The following BOP1 variants were observed in gnomAD, a reference collection of about 807,000 sequenced individuals.
BOP1 encodes the protein BOP1 ribosomal biogenesis factor.
A neutral mutation model predicts 82.9 loss-of-function variants in BOP1; 54 were observed. The ratio of observed to expected loss-of-function variants is 0.65; its 90% CI spans 0.52 to 0.82. The LOEUF (loss-of-function observed/expected upper bound fraction) is 0.82, where lower values mean the gene tolerates loss of function less well. BOP1 is among the 40% of genes least tolerant of loss of function. The pLI, the probability that BOP1 is intolerant of heterozygous loss-of-function variation, is 0.00. For missense variants in BOP1, 1,170 were observed against 1,072.0 expected (o/e 1.09, Z -1.28); for synonymous variants, 566 against 451.1 (o/e 1.25, Z -3.23).
In BOP1 at chr8:144,266,447, C is replaced by A. The variant is rs1364355660; in HGVS notation, c.391-1376G>T. ...GCTATAAAGGCGCAGCTCGGGGCCC[C>A]GCTCCGGCCCGGGACGCACATGTGC... On this transcript the variant is annotated intron_variant, in intron 3 of 15. Transcript: ENST00000569669. 1,944 of 954,526 alleles carry A rather than the reference C, an allele frequency of 2.0e-3. 28 individuals are homozygous for A. In the African/African-American group the frequency reaches 0.032, roughly 16 times the overall value. The allele number at this position is 954,526 out of a possible 1,614,324, so 59.1% of individuals were successfully genotyped here.
chr8:144,271,514 C>T (rs935577740), intron 3 of BOP1, among the ~76,000 whole-genome samples: 1 of 152,124 alleles, frequency 6.6e-6, no homozygotes, highest in African/African-American at 2.4e-5. Flanking sequence ...GCACAAAACG[C>T]CCGCCTGTCT....
chr8:144,282,237 T>A (rs1845697133), intron 2 of BOP1, among the ~76,000 whole-genome samples: 1 of 151,988 alleles, frequency 6.6e-6, no homozygotes, highest in Non-Finnish European at 1.5e-5. Context: ...GTGTCAGGGG[T>A]GCTGCAGGGC....
intron 3 of BOP1, among the ~76,000 whole-genome samples, chr8:144,275,663 CCCAG>C (rs1185231747): frequency 1.2e-4 from 19 of 152,166 alleles, no homozygotes; most frequent in Non-Finnish European, 2.2e-4. Flanking sequence ...AGGCAACGGC[CCCAG>C]CCCACATCAG....
At chr8:144,281,788 T>C (rs1046043093) in intron 2 of BOP1, 1 of 152,172 alleles carries the variant, frequency 6.6e-6, no homozygotes, top group Non-Finnish European at 1.5e-5. Context: ...TTTCACCATG[T>C]TGGCCGGGCT....
At chr8:144,262,803 G>GCCCC in intron 13 of BOP1, 50 bp downstream of exon 13, 2 of 424,970 alleles carry the variant, frequency 4.7e-6, no homozygotes, top group African/African-American at 6.6e-5. Flanking sequence ...AGGGTACACC[G>GCCCC]CCCCCCCCCC....
intron 2 of BOP1, among the ~76,000 whole-genome samples, chr8:144,284,973 C>A (rs1475927266): frequency 6.6e-6 from 1 of 152,212 alleles, no homozygotes; most frequent in African/African-American, 2.4e-5. Context: ...AGTCACCGGG[C>A]TCCCCGCTAC....
chr8:144,262,940 G>C lies in BOP1; in HGVS notation c.1807C>G (p.Arg603Gly). 1 of 1,547,274 alleles carries C rather than the reference G, an allele frequency of 6.5e-7. No individual in the cohort carries two copies. The highest frequency in any genetic ancestry group is 8.7e-7 in the Non-Finnish European group (1 of 1,152,926). ...TCCTGGCGCAGCAGGTGGTAGAGGC[G>C]GACGCTGCGCTGGGACGCCACCAAC... Reference protein sequence around the residue: ...FLLVASQRSVRLYHLLRQELT... With the variant: ...FLLVASQRSVGLYHLLRQELT... The change falls in exon 13 of 16, where the codon CGC becomes GGC. Residue 603 changes from arginine to glycine, a missense_variant. Transcript: ENST00000569669.
At chr8:144,277,160 C>G (rs1845580046) in intron 2 of BOP1, among the ~76,000 whole-genome samples, 1 of 152,156 alleles carries the variant, frequency 6.6e-6, no homozygotes, top group Non-Finnish European at 1.5e-5. Flanking sequence ...CGGGCACGCC[C>G]CCGCCCCCAC....
chr8:144,278,199 C>T (rs968796512), intron 2 of BOP1, among the ~76,000 whole-genome samples: 1 of 152,166 alleles, frequency 6.6e-6, no homozygotes, highest in Non-Finnish European at 1.5e-5. Flanking sequence ...GTCTGAAGGA[C>T]CGACGGGTGG....
chr8:144,267,049 G>T, intron 3 of BOP1: 1 of 1,495,518 alleles, frequency 6.7e-7, no homozygotes. Flanking sequence ...CTGCCACTCC[G>T]GGCCCGCCTT....
chr8:144,262,839 C>A lies in BOP1; in HGVS notation c.1894+14G>T. ...CACCCCTCACCTGCAGGGTGCACCGCCCCCACCCCTCACCTGCAGGGTGCA... is the reference window on the plus strand; with the variant it reads ...CACCCCTCACCTGCAGGGTGCACCGACCCCACCCCTCACCTGCAGGGTGCA... On this transcript the variant is annotated intron_variant, in intron 13 of 15. Coordinates refer to ENST00000569669, the MANE Select transcript of BOP1 (RefSeq NM_015201.5). 7 of 978,170 alleles carry A rather than the reference C, an allele frequency of 7.2e-6. No homozygotes were observed. The highest frequency in any genetic ancestry group is 9.6e-6 in the Non-Finnish European group (7 of 728,702). The allele number at this position is 978,170 out of a possible 1,614,324, so 60.6% of individuals were successfully genotyped here.
At chr8:144,278,739 C>A (rs1214488036) in intron 2 of BOP1, among the ~76,000 whole-genome samples, 1 of 152,178 alleles carries the variant, frequency 6.6e-6, no homozygotes, top group African/African-American at 2.4e-5. Flanking sequence ...CTCAGCACGG[C>A]CAAGGCTCCC....
chr8:144,265,420 AGG>A, intron 3 of BOP1: 1 of 418,300 alleles, frequency 2.4e-6, no homozygotes, highest in Non-Finnish European at 4.4e-6. Context: ...CTCCCCTGGC[AGG>A]GGCCTTAGGC....
rs1225332636 is a variant in BOP1 at position 144,267,084 on chromosome 8, CCCCCCGCCGCCG to C, written c.391-2025_391-2014del. 2.1e-4 allele frequency: 284 copies of C among 1,370,722 alleles called. 8 individuals are homozygous for C. Among genetic ancestry groups the C allele is most frequent in the African/African-American group, 1.9e-3 (125 of 65,396 alleles). The allele number at this position is 1,370,722 out of a possible 1,614,324, so 84.9% of individuals were successfully genotyped here. A position where few individuals can be genotyped will look rare whatever the true frequency, so the allele number is the denominator to read the frequency against. On this transcript the variant is annotated intron_variant, in intron 3 of 15. Transcript: ENST00000569669. ...TCTTCCACGCGGCGCGCGCCGGCAG[CCCCCCGCCGCCG>C]CCCCCGCCGCCTCCCGCCCGCGACG...
At chr8:144,272,967 G>A (rs1476027333) in intron 3 of BOP1, among the ~76,000 whole-genome samples, 1 of 152,216 alleles carries the variant, frequency 6.6e-6, no homozygotes, top group Non-Finnish European at 1.5e-5. Context: ...GCCAGCCCCA[G>A]CCCAGTCAGC....
intron 3 of BOP1, among the ~76,000 whole-genome samples, chr8:144,271,516 C>T (rs1211585118): frequency 6.6e-6 from 1 of 152,142 alleles, no homozygotes; most frequent in African/African-American, 2.4e-5. Context: ...ACAAAACGCC[C>T]GCCTGTCTCG....
At chr8:144,284,711 A>C (rs992119157) in intron 2 of BOP1, among the ~76,000 whole-genome samples, 2 of 152,230 alleles carry the variant, frequency 1.3e-5, no homozygotes, top group Non-Finnish European at 2.9e-5. Flanking sequence ...GGAGCACCTG[A>C]GCATCCAAAG....
chr8:144,262,772 CTA>C (rs1380695699), intron 13 of BOP1, 79 bp downstream of exon 13: 531 of 1,377,740 alleles, frequency 3.9e-4, no homozygotes, highest in Admixed American at 1.3e-3. Context: ...TGCACTGCCC[CTA>C]CCCCCACCCC....
At chr8:144,289,352 G>A (rs1588611740) in intron 1 of BOP1, 48 bp from the exon 2 acceptor site, 1 of 1,586,168 alleles carries the variant, frequency 6.3e-7, no homozygotes, top group Non-Finnish European at 8.6e-7. Flanking sequence ...CAGGCATGGG[G>A]CACTGAACAC....
Sources: gnomAD v4.1 joint callset for allele counts (sites outside exome capture counted in the v4.1 genomes callset) on GRCh38, gnomAD v4.1.1 for gene constraint, MANE v1.5 for transcripts, NCBI Gene and HGNC (gene_info 2026-07-23, HGNC 2026-07-21) for gene names.